Variants in TCERG1L observed in about 807,000 individuals in gnomAD.
The protein encoded by TCERG1L is transcription elongation regulator 1 like, also known as transcription elongation regulator 1-like protein.
A neutral mutation model predicts 56.3 loss-of-function variants in TCERG1L; 37 were observed. The ratio of observed to expected loss-of-function variants is 0.66; its 90% CI spans 0.51 to 0.87. TCERG1L has a LOEUF of 0.87. Among genes scored for constraint, TCERG1L ranks in the 40% least tolerant of loss-of-function variants. The pLI, the probability that TCERG1L is intolerant of heterozygous loss-of-function variation, is 0.00. For missense variants in TCERG1L, 799 were observed against 774.2 expected, an observed-to-expected ratio of 1.03 and a Z score of -0.38; for synonymous variants, 324 against 326.3, an observed-to-expected ratio of 0.99 and a Z score of 0.08.
chr10:131,100,698 A>G (rs1845296559), intron 10 of TCERG1L, among the ~76,000 whole-genome samples: 1 of 152,170 alleles, frequency 6.6e-6, no homozygotes, highest in African/African-American at 2.4e-5. Context: ...CCGGCAGAGG[A>G]AGGGCTGTGA....
intron 4 of TCERG1L, among the ~76,000 whole-genome samples, chr10:131,181,360 C>G: frequency 6.6e-6 from 1 of 152,198 alleles, no homozygotes; most frequent in East Asian, 1.9e-4. Flanking sequence ...AGCACAGAGG[C>G]GGAGGTCTGC....
intron 3 of TCERG1L, among the ~76,000 whole-genome samples, chr10:131,278,848 C>T (rs1453397453): frequency 6.6e-6 from 1 of 152,186 alleles, no homozygotes; most frequent in Admixed American, 6.5e-5. Context: ...GGGAGCTCTC[C>T]TGGGCTCATG....
chr10:131,296,969 G>A (rs1310054988), intron 3 of TCERG1L, among the ~76,000 whole-genome samples: 3 of 152,094 alleles, frequency 2.0e-5, no homozygotes, highest in South Asian at 2.1e-4. Context: ...TTCCTTATTC[G>A]TATTAGTAGC....
chr10:131,120,184 T>C lies in TCERG1L; in HGVS notation c.1260-3250A>G, dbSNP rs567944339. On this transcript the variant is annotated intron_variant, in intron 8 of 11. Coordinates refer to ENST00000368642, the MANE Select transcript of TCERG1L (RefSeq NM_174937.4). ...GTGTGTGTGTGTGAGCTTGTGTGTG[T>C]GCGCATGCGTGCATCTGTCCCATGC... is the stretch of plus-strand genomic sequence containing the variant. Among the ~76,000 whole-genome samples, 3 of 152,294 alleles carry C rather than the reference T, an allele frequency of 2.0e-5. No homozygotes were observed. The East Asian group carries it at 5.8e-4, about 29-fold the overall frequency.
At chr10:131,135,857 G>A (rs952110417) in intron 7 of TCERG1L, among the ~76,000 whole-genome samples, 5 of 152,262 alleles carry the variant, frequency 3.3e-5, no homozygotes, top group Non-Finnish European at 7.3e-5. Context: ...CCCATGGGCA[G>A]TGCAGAGCGG....
At chr10:131,175,238 G>A (rs760803026) in intron 4 of TCERG1L, among the ~76,000 whole-genome samples, 6 of 152,196 alleles carry the variant, frequency 3.9e-5, no homozygotes, top group Non-Finnish European at 7.3e-5. Context: ...GTGAGCTTTG[G>A]GATCCGAGGG....
At chr10:131,169,275 G>A (rs1438635351) in intron 4 of TCERG1L, among the ~76,000 whole-genome samples, 1 of 149,530 alleles carries the variant, frequency 6.7e-6, no homozygotes, top group Non-Finnish European at 1.5e-5. Context: ...AGCAGATGGG[G>A]ACACAGCCAT....
At chr10:131,288,692 T>A (rs999898247) in intron 3 of TCERG1L, among the ~76,000 whole-genome samples, 4 of 152,102 alleles carry the variant, frequency 2.6e-5, no homozygotes, top group Non-Finnish European at 5.9e-5. Context: ...GAGAGGGCCT[T>A]ACATCCAAAG....
intron 8 of TCERG1L, among the ~76,000 whole-genome samples, chr10:131,132,925 T>G (rs10829911): frequency 0.27 from 41,838 of 152,170 alleles, 6,673 homozygotes; most frequent in Non-Finnish European, 0.36. Context: ...CTCACAGGCT[T>G]CCACGTGCTG....
In TCERG1L at chr10:131,184,865, G is replaced by A. The variant is rs867148866; in HGVS notation, c.857-17980C>T. Among the ~76,000 whole-genome samples the A allele has an allele frequency of 2.7e-4, 41 of 152,302 alleles. 1 individual carries two copies. The highest frequency in any genetic ancestry group is 6.8e-3 in the Middle Eastern group (2 of 294). ...AGAAGGTCCTTTAGCCATGAGGCAAGAACAAAATGGCACCAAAGTCACTAT... is the reference window on the plus strand; with the variant it reads ...AGAAGGTCCTTTAGCCATGAGGCAAAAACAAAATGGCACCAAAGTCACTAT... On this transcript the variant is annotated intron_variant, in intron 4 of 11. Coordinates refer to ENST00000368642, the MANE Select transcript of TCERG1L (RefSeq NM_174937.4).
chr10:131,256,756 C>T (rs1846167591), intron 4 of TCERG1L, among the ~76,000 whole-genome samples: 1 of 151,592 alleles, frequency 6.6e-6, no homozygotes, highest in African/African-American at 2.4e-5. Flanking sequence ...TGGGGGTGTG[C>T]ACCTGTAATC....
At chr10:131,305,029 T>C (rs1846805530) in intron 3 of TCERG1L, among the ~76,000 whole-genome samples, 1 of 152,154 alleles carries the variant, frequency 6.6e-6, no homozygotes, top group African/African-American at 2.4e-5. Flanking sequence ...GGACATTCTA[T>C]GTCCTTAATT....
Position 131,163,124 on chromosome 10 carries a change from G to C in TCERG1L, c.1032C>G (p.Pro344=). The change falls in exon 6 of 12, where the codon CCC becomes CCG. Residue 344 remains proline, a splice_region_variant and synonymous_variant. Coordinates refer to ENST00000368642, the MANE Select transcript of TCERG1L (RefSeq NM_174937.4). The part of the protein sequence containing the change: ...PVASTPVPGS[P]WCVVWTGDDR... ...TCTCAGGCTTTGGGGTGTCTTACCA[G>C]GGGGATCCGGGCACCGGGGTGGAGG... 6.4e-7 allele frequency: 1 copy of C among 1,572,708 alleles called. No homozygotes were observed. Among genetic ancestry groups the C allele is most frequent in the South Asian group, 1.2e-5 (1 of 84,620 alleles).
At chr10:131,171,601 C>T (rs1172766561) in intron 4 of TCERG1L, among the ~76,000 whole-genome samples, 1 of 152,190 alleles carries the variant, frequency 6.6e-6, no homozygotes, top group Non-Finnish European at 1.5e-5. Flanking sequence ...TATTTAGAGA[C>T]AGGGTCTCAC....
chr10:131,270,346 T>G (rs947693082), intron 3 of TCERG1L, among the ~76,000 whole-genome samples: 3 of 152,204 alleles, frequency 2.0e-5, no homozygotes. Context: ...ATACACTGCA[T>G]GGACGGATAA....
chr10:131,166,892 G>A lies in TCERG1L; in HGVS notation c.857-7C>T. On this transcript the variant is annotated splice_polypyrimidine_tract_variant and splice_region_variant and intron_variant, in intron 4 of 11. Transcript: ENST00000368642. ...CCCCGCTCTGTCCTTGTATCTGTTG[G>A]GCCAAAGCAGTTGTCATTAACATTT... The A allele has an allele frequency of 6.2e-7, 1 of 1,605,354 alleles. No individual in the cohort carries two copies. Among genetic ancestry groups the A allele is most frequent in the Non-Finnish European group, 8.5e-7 (1 of 1,177,812 alleles).
At chr10:131,300,244 T>C (rs1846746190) in intron 3 of TCERG1L, among the ~76,000 whole-genome samples, 1 of 152,212 alleles carries the variant, frequency 6.6e-6, no homozygotes, top group African/African-American at 2.4e-5. Context: ...ATTAGTCTTA[T>C]GGTTTGCTGA....
At chr10:131,139,368 G>C (rs1845708208) in intron 7 of TCERG1L, among the ~76,000 whole-genome samples, 1 of 152,212 alleles carries the variant, frequency 6.6e-6, no homozygotes, top group Non-Finnish European at 1.5e-5. Flanking sequence ...TCCAAGAGGA[G>C]GCTCTGAGGA....
At chr10:131,222,991 T>C (rs953583682) in intron 4 of TCERG1L, among the ~76,000 whole-genome samples, 2 of 152,174 alleles carry the variant, frequency 1.3e-5, no homozygotes, top group East Asian at 1.9e-4. Flanking sequence ...CTGGTGAGGA[T>C]AGTGAGTTCC....
Sources: gnomAD v4.1 joint callset for allele counts (sites outside exome capture counted in the v4.1 genomes callset) on GRCh38, gnomAD v4.1.1 for gene constraint, MANE v1.5 for transcripts, NCBI Gene and HGNC (gene_info 2026-07-23, HGNC 2026-07-21) for gene names.